The following ADGRL2 variants were observed in gnomAD, a reference collection of about 807,000 sequenced individuals.
The protein encoded by ADGRL2 is adhesion G protein-coupled receptor L2, also known as calcium-independent alpha-latrotoxin receptor 2.
Under a neutral mutation model 157.4 loss-of-function variants are expected in ADGRL2, and 44 were observed. The ratio of observed to expected loss-of-function variants is 0.28; its 90% CI spans 0.22 to 0.36. ADGRL2 has a LOEUF of 0.36. Ranked by LOEUF, ADGRL2 falls within the 10% of genes least tolerant of loss-of-function variation. The pLI is 1.00. For missense variants in ADGRL2, 1,510 were observed against 1,768.9 expected (o/e 0.85, Z 2.63); for synonymous variants, 585 against 624.7 (o/e 0.94, Z 0.95).
At chr1:81,895,469 G>A (rs1241723080) in intron 2 of ADGRL2, among the ~76,000 whole-genome samples, 1 of 145,396 alleles carries the variant, frequency 6.9e-6, no homozygotes, top group Admixed American at 7.3e-5. Flanking sequence ...TGCAGTCTCG[G>A]CTCACTACAA....
At chr1:81,588,653 C>T (rs748917009) in intron 3 of ADGRL2, among the ~76,000 whole-genome samples, 5 of 152,126 alleles carry the variant, frequency 3.3e-5, no homozygotes, top group Admixed American at 6.6e-5. Context: ...TTACCAGGCC[C>T]TAATCTGGTT....
intron 2 of ADGRL2, among the ~76,000 whole-genome samples, chr1:81,536,604 T>C (rs2079743824): frequency 6.6e-6 from 1 of 152,210 alleles, no homozygotes; most frequent in South Asian, 2.1e-4. Flanking sequence ...TGATCTGATC[T>C]AGGGTTTTTT....
chr1:81,564,623 T>C (rs193140450), intron 2 of ADGRL2, among the ~76,000 whole-genome samples: 42 of 152,284 alleles, frequency 2.8e-4, no homozygotes, highest in African/African-American at 3.1e-4. Context: ...AGAGTCTTTT[T>C]ATAGTCTTAT....
chr1:81,631,209 T>C (rs1010183104), intron 3 of ADGRL2, among the ~76,000 whole-genome samples: 8 of 151,882 alleles, frequency 5.3e-5, no homozygotes, highest in Non-Finnish European at 1.0e-4. Flanking sequence ...CCTTCTTTTC[T>C]TTTTTCTTTT....
intron 16 of ADGRL2, 112 bp from the exon 17 acceptor site, chr1:81,971,740 A>C: frequency 1.7e-6 from 1 of 587,472 alleles, no homozygotes; most frequent in South Asian, 2.5e-5. Context: ...ATGAATCTTC[A>C]AAGGCAAATG....
chr1:81,879,514 T>TAA lies in ADGRL2; in HGVS notation c.74-27503_74-27502insAA, dbSNP rs200767897. 1.7e-4 allele frequency among the ~76,000 whole-genome samples: 7 copies of TAA among 41,510 alleles called. No individual in the cohort carries two copies. The East Asian group carries it at 4.2e-3, about 25-fold the overall frequency. The allele number at this position is 41,510 out of a possible 152,430, so 27.2% of individuals were successfully genotyped here. ...GGTGATGAATTACTTAACCCAGAAT[T>TAA]TAAAAAAAAAAAAAACAACTTAAAA... On this transcript the variant is annotated intron_variant, in intron 2 of 23. Transcript: ENST00000686636.
chr1:81,429,496 A>G (rs963836814), intron 1 of ADGRL2, among the ~76,000 whole-genome samples: 3 of 152,234 alleles, frequency 2.0e-5, no homozygotes, highest in African/African-American at 4.8e-5. Flanking sequence ...GGCACGATTC[A>G]GCCCACTAGC....
intron 2 of ADGRL2, among the ~76,000 whole-genome samples, chr1:81,867,529 A>G (rs1324616521): frequency 1.3e-5 from 2 of 152,210 alleles, no homozygotes; most frequent in East Asian, 1.9e-4. Flanking sequence ...AATGAGTTTT[A>G]TATTTCTGTA....
chr1:81,721,603 C>G (rs753103181), intron 1 of ADGRL2: 3 of 562,436 alleles, frequency 5.3e-6, no homozygotes, highest in Non-Finnish European at 9.4e-6. Flanking sequence ...CAAAAAAATA[C>G]AAAAATTGCT....
chr1:81,326,011 AC>A (rs2100660622), intron 1 of ADGRL2, among the ~76,000 whole-genome samples: 1 of 152,344 alleles, frequency 6.6e-6, no homozygotes, highest in South Asian at 2.1e-4. Flanking sequence ...TTCCAAAAAA[AC>A]AATTCTTTAG....
chr1:81,846,687 C>T (rs1220211442), intron 2 of ADGRL2, among the ~76,000 whole-genome samples: 1 of 151,838 alleles, frequency 6.6e-6, no homozygotes, highest in Non-Finnish European at 1.5e-5. Context: ...TCTCTTTTCC[C>T]TTACTGATTC....
chr1:81,982,020 TG>T (rs746734105), intron 19 of ADGRL2, 44 bp downstream of exon 19: 2 of 1,469,716 alleles, frequency 1.4e-6, no homozygotes, highest in Non-Finnish European at 9.4e-7. Context: ...ACTCATTCTT[TG>T]ATTTGAATAT....
At chr1:81,597,382 A>G (rs375413835) in intron 3 of ADGRL2, among the ~76,000 whole-genome samples, 55 of 152,350 alleles carry the variant, frequency 3.6e-4, no homozygotes, top group African/African-American at 1.3e-3. Context: ...TGCATATGAA[A>G]AAATAAAGAA....
chr1:81,877,307 C>T (rs897706142), intron 2 of ADGRL2, among the ~76,000 whole-genome samples: 5 of 152,046 alleles, frequency 3.3e-5, no homozygotes, highest in East Asian at 3.9e-4. Context: ...TGAATCATAG[C>T]TCTTCTGTTC....
chr1:81,879,995 C>G (rs1027893456), intron 2 of ADGRL2, among the ~76,000 whole-genome samples: 2 of 152,060 alleles, frequency 1.3e-5, no homozygotes, highest in African/African-American at 4.8e-5. Context: ...TCACTGTGCT[C>G]CAATCTAGGC....
intron 2 of ADGRL2, among the ~76,000 whole-genome samples, chr1:81,481,171 A>T (rs1398119919): frequency 6.6e-6 from 1 of 152,234 alleles, no homozygotes; most frequent in Non-Finnish European, 1.5e-5. Context: ...TAGATACTAG[A>T]AATTGTTTGT....
intron 6 of ADGRL2, among the ~76,000 whole-genome samples, chr1:81,948,140 G>T (rs948452500): frequency 6.6e-6 from 1 of 151,106 alleles, no homozygotes; most frequent in Non-Finnish European, 1.5e-5. Flanking sequence ...TGGCTTGAAC[G>T]CAGGAGGCGG....
At chr1:81,494,218 G>T (rs138710345) in intron 2 of ADGRL2, among the ~76,000 whole-genome samples, 41 of 152,192 alleles carry the variant, frequency 2.7e-4, no homozygotes, top group African/African-American at 9.1e-4. Flanking sequence ...GAAGTGTAAG[G>T]CTTGCTTCAA....
At chr1:81,484,576 T>G (rs564095291) in intron 2 of ADGRL2, among the ~76,000 whole-genome samples, 12 of 152,300 alleles carry the variant, frequency 7.9e-5, no homozygotes, top group African/African-American at 2.9e-4. Flanking sequence ...TTCCCTAAAC[T>G]ATGATGTGGT....
Sources: allele counts gnomAD v4.1 joint callset (sites outside exome capture counted in the v4.1 genomes callset), GRCh38; gene constraint gnomAD v4.1.1; transcripts MANE v1.5; gene names NCBI Gene and HGNC (gene_info 2026-07-23, HGNC 2026-07-21).